The following UBAP1 variants were observed in gnomAD, a reference collection of about 807,000 sequenced individuals.
UBAP1 encodes the protein ubiquitin-associated protein 1.
In UBAP1, 5 loss-of-function variants were observed where a neutral mutation model predicts 39.0. The observed-to-expected ratio is 0.13, with a 90% CI of 0.07 to 0.27. UBAP1 has a LOEUF of 0.27. Among genes scored for constraint, UBAP1 ranks in the 10% least tolerant of loss-of-function variants. The pLI is 1.00. For synonymous variants in UBAP1, 211 were observed against 225.1 expected (o/e 0.94, Z 0.56); for missense variants, 490 against 608.1 (o/e 0.81, Z 2.04).
chr9:34,184,283 G>T (rs796938296), intron 1 of UBAP1, among the ~76,000 whole-genome samples: 1 of 151,902 alleles, frequency 6.6e-6, no homozygotes, highest in Non-Finnish European at 1.5e-5. Flanking sequence ...CTGACACTGG[G>T]TATGTACTAA....
At position 34,220,928 on chromosome 9, in the gene UBAP1, A is replaced by T; in HGVS notation, c.14A>T (p.Lys5Met). ...TTCAGGTTCTAAATGGCTTCTAAGA[A>T]GTTGGGTGCAGATTTTCATGGTAAG... MASK[K>M]LGADFHGTFS... is the part of the protein sequence containing the mutation. The change falls in exon 2 of 7, where the codon AAG (lysine) becomes ATG (methionine). Residue 5 changes from lysine (K) to methionine (M), a missense_variant. This residue lies in a region of UBAP1 where 144 missense variants were observed against 184.4 expected (regional missense o/e 0.78). Transcript: ENST00000297661. 6.2e-7 allele frequency: 1 copy of T among 1,613,542 alleles called. No individual in the cohort carries two copies. The highest frequency in any genetic ancestry group is 1.3e-5 in the African/African-American group (1 of 75,034).
At chr9:34,223,826 G>T (rs72731282) in intron 2 of UBAP1, among the ~76,000 whole-genome samples, 18,806 of 152,116 alleles carry the variant, frequency 0.12, 1,525 homozygotes, top group Non-Finnish European at 0.18. Context: ...TTCTCCCTTA[G>T]GCTGCTTCTC....
At chr9:34,202,915 A>AT (rs1005186510) in intron 1 of UBAP1, among the ~76,000 whole-genome samples, 1 of 151,910 alleles carries the variant, frequency 6.6e-6, no homozygotes, top group South Asian at 2.1e-4. Flanking sequence ...TGTTTTCTCA[A>AT]TTTTTTTATT....
At chr9:34,234,535 CTG>C (rs1833582761) in intron 3 of UBAP1, among the ~76,000 whole-genome samples, 195 bp downstream of exon 3, 1 of 152,106 alleles carries the variant, frequency 6.6e-6, no homozygotes, top group East Asian at 1.9e-4. Context: ...AATCCTAACA[CTG>C]TGGGTGGCCA....
rs562747819 is a variant in UBAP1, at chr9:34,184,343, C to T, written c.-8+5103C>T. On this transcript the variant is annotated intron_variant, in intron 1 of 6. Transcript: ENST00000297661. The stretch of plus-strand genomic sequence containing the variant: ...CTTTCCTTTTTTTTTTAGATAGTCT[C>T]GCTCTGGGCCGGGCGCGGTGGCTCA... Among the ~76,000 whole-genome samples the T allele has an allele frequency of 4.6e-5, 7 of 151,112 alleles. 1 individual carries two copies. The South Asian group carries it at 1.1e-3, about 23-fold the overall frequency.
intron 4 of UBAP1, among the ~76,000 whole-genome samples, chr9:34,242,961 G>T (rs1293139298): frequency 2.0e-5 from 3 of 152,192 alleles, no homozygotes; most frequent in Admixed American, 1.3e-4. Context: ...CAAAATCTTG[G>T]CCTGCTTTAC....
At chr9:34,221,884 T>C (rs118100217) in intron 2 of UBAP1, among the ~76,000 whole-genome samples, 42 of 152,288 alleles carry the variant, frequency 2.8e-4, no homozygotes, top group Non-Finnish European at 5.3e-4. Context: ...CCTTTTTTCA[T>C]ACAGTAGAAG....
chr9:34,212,568 T>C (rs1014278750), intron 1 of UBAP1, among the ~76,000 whole-genome samples: 1 of 152,194 alleles, frequency 6.6e-6, no homozygotes, highest in Admixed American at 6.6e-5. Flanking sequence ...CATTATTTAA[T>C]CATTTTTCCA....
intron 1 of UBAP1, among the ~76,000 whole-genome samples, chr9:34,182,939 T>C (rs1175993800): frequency 1.3e-5 from 2 of 151,906 alleles, no homozygotes; most frequent in Non-Finnish European, 2.9e-5. Flanking sequence ...CTCGATCTCC[T>C]GGCTAATTTT....
chr9:34,249,623 G>A (rs1834363369), intron 4 of UBAP1, among the ~76,000 whole-genome samples, 156 bp from the exon 5 acceptor site: 1 of 152,150 alleles, frequency 6.6e-6, no homozygotes, highest in African/African-American at 2.4e-5. Context: ...TTCCTTTTCA[G>A]GGTGTCTGAC....
intron 4 of UBAP1, among the ~76,000 whole-genome samples, chr9:34,247,007 A>G (rs769410111): frequency 6.6e-6 from 1 of 152,216 alleles, no homozygotes; most frequent in African/African-American, 2.4e-5. Context: ...AAATTTTACT[A>G]TTCTTTTATT....
intron 1 of UBAP1, among the ~76,000 whole-genome samples, chr9:34,210,276 C>T (rs539525340): frequency 7.2e-5 from 11 of 152,266 alleles, no homozygotes; most frequent in African/African-American, 2.2e-4. Flanking sequence ...AGCTTGTGGA[C>T]AGTGATAGAT....
intron 1 of UBAP1, among the ~76,000 whole-genome samples, chr9:34,208,505 C>T (rs910277233): frequency 2.6e-5 from 4 of 151,714 alleles, no homozygotes; most frequent in Non-Finnish European, 4.4e-5. Context: ...TAGCCGGGCG[C>T]GGTGGCTCAC....
chr9:34,241,476 A>C lies in UBAP1; in HGVS notation c.451A>C (p.Lys151Gln). ...GAAAGTTCTCAGCCCACCTCACATA[A>C]AGGCGGATTTCAATCTTGCTGACTT... ...KQKVLSPPHI[K>Q]ADFNLADFEC... Residue 151 changes from lysine to glutamine, a missense_variant, in exon 4 of 7, where the codon AAG becomes CAG. Transcript: ENST00000297661. The C allele has an allele frequency of 1.2e-6, 2 of 1,613,766 alleles. No homozygotes were observed. Among genetic ancestry groups the C allele is most frequent in the Non-Finnish European group, 1.7e-6 (2 of 1,179,776 alleles).
intron 1 of UBAP1, among the ~76,000 whole-genome samples, chr9:34,195,464 C>A (rs1320560339): frequency 6.6e-6 from 1 of 152,070 alleles, no homozygotes; most frequent in Non-Finnish European, 1.5e-5. Context: ...TGGACCTGTT[C>A]TATTCTATTG....
At chr9:34,224,608 G>A (rs1342243804) in intron 2 of UBAP1, 4 of 393,354 alleles carry the variant, frequency 1.0e-5, no homozygotes, top group African/African-American at 2.1e-5. Flanking sequence ...GCTTGTGTCA[G>A]TTCTCCCGAG....
chr9:34,230,692 G>A (rs890586594), intron 2 of UBAP1, among the ~76,000 whole-genome samples: 2 of 152,126 alleles, frequency 1.3e-5, no homozygotes, highest in Admixed American at 1.3e-4. Context: ...ACTTAGTTTT[G>A]TTGGTAAGCT....
chr9:34,199,306 C>G (rs940385493), intron 1 of UBAP1, among the ~76,000 whole-genome samples: 10 of 152,216 alleles, frequency 6.6e-5, no homozygotes, highest in Admixed American at 5.9e-4. Flanking sequence ...AACCCCTGAC[C>G]TTGTGATCCC....
At chr9:34,203,010 T>A (rs1337075578) in intron 1 of UBAP1, among the ~76,000 whole-genome samples, 1 of 152,198 alleles carries the variant, frequency 6.6e-6, no homozygotes, top group African/African-American at 2.4e-5. Flanking sequence ...AAGATCTTTT[T>A]CAGTCTGTAG....
Sources: allele counts gnomAD v4.1 joint callset (sites outside exome capture counted in the v4.1 genomes callset), GRCh38; gene constraint gnomAD v4.1.1; regional missense constraint gnomAD v4.1.1; transcripts MANE v1.5; gene names NCBI Gene and HGNC (gene_info 2026-07-23, HGNC 2026-07-21).